RNF152: variants seen among roughly 807,000 people sequenced by gnomAD.
The protein encoded by RNF152 is E3 ubiquitin-protein ligase RNF152.
Under a neutral mutation model 12.7 loss-of-function variants are expected in RNF152, and 11 were observed. The ratio of observed to expected loss-of-function variants is 0.86; its 90% confidence interval spans 0.54 to 1.43. RNF152 has a LOEUF of 1.43. Among genes scored for constraint, RNF152 ranks in the 40% most tolerant of loss-of-function variants. The pLI is 0.00. For synonymous variants in RNF152, 113 were observed against 120.3 expected, an observed-to-expected ratio of 0.94 and a Z score of 0.40; for missense variants, 255 against 274.8, an observed-to-expected ratio of 0.93 and a Z score of 0.51.
chr18:61,869,515 GATAAAGGAACA>G (rs1227336226), intron 1 of RNF152, among the ~76,000 whole-genome samples: 2 of 152,308 alleles, frequency 1.3e-5, no homozygotes, highest in Non-Finnish European at 2.9e-5. Flanking sequence ...AGACCCACTT[GATAAAGGAACA>G]CAAACTTTTG....
At chr18:61,876,945 C>T (rs1912240234) in intron 1 of RNF152, among the ~76,000 whole-genome samples, 2 of 152,188 alleles carry the variant, frequency 1.3e-5, no homozygotes. Context: ...AGAGACTTGA[C>T]CATTGTATCC....
At chr18:61,829,184 G>A (rs997768965) in intron 1 of RNF152, among the ~76,000 whole-genome samples, 3 of 152,158 alleles carry the variant, frequency 2.0e-5, no homozygotes, top group Non-Finnish European at 2.9e-5. Context: ...CACGGCAGGT[G>A]GTTTAGCTCT....
rs775397317 is a variant in RNF152 at position 61,812,815 on chromosome 18, C to T, written c.*3037G>A. 3.9e-5 allele frequency: 6 copies of T among 151,920 alleles called. No individual in the cohort carries two copies. Among genetic ancestry groups the T allele is most frequent in the East Asian group, 1.9e-4 (1 of 5,186 alleles). 9.4% of individuals were successfully genotyped at this position (151,920 alleles called of 1,614,324 possible). A position where few individuals can be genotyped will look rare whatever the true frequency, so the allele number is the denominator to read the frequency against. On this transcript the variant is annotated 3_prime_UTR_variant, in exon 2 of 2. Transcript: ENST00000312828. ...CTAAGTCAACCCTCCTTTCATTTTC[C>T]CAGAGAGGTAGATGCTAACTAAAAT...
At chr18:61,885,099 T>C (rs1912628185) in intron 1 of RNF152, among the ~76,000 whole-genome samples, 1 of 152,260 alleles carries the variant, frequency 6.6e-6, no homozygotes, top group South Asian at 2.1e-4. Flanking sequence ...AGTAATCTTA[T>C]GTCTCATGCA....
chr18:61,848,465 T>C (rs1308169177), intron 1 of RNF152, among the ~76,000 whole-genome samples: 1 of 152,110 alleles, frequency 6.6e-6, no homozygotes, highest in Non-Finnish European at 1.5e-5. Flanking sequence ...TTCCCCCAGA[T>C]AAAACCAGAA....
intron 1 of RNF152, among the ~76,000 whole-genome samples, chr18:61,868,613 G>T (rs1911844669): frequency 6.6e-6 from 1 of 152,156 alleles, no homozygotes; most frequent in South Asian, 2.1e-4. Context: ...TGAGGCAGGA[G>T]AATCTCATGA....
At chr18:61,882,687 A>C (rs1299232142) in intron 1 of RNF152, among the ~76,000 whole-genome samples, 1 of 152,214 alleles carries the variant, frequency 6.6e-6, no homozygotes, top group Non-Finnish European at 1.5e-5. Flanking sequence ...GGAGACTCAG[A>C]GAGAGAGGAA....
At chr18:61,859,884 A>AGAAAG (rs939710712) in intron 1 of RNF152, among the ~76,000 whole-genome samples, 2 of 151,772 alleles carry the variant, frequency 1.3e-5, no homozygotes, top group African/African-American at 4.9e-5. Context: ...CAAAGAAAAA[A>AGAAAG]GAAAAGAAAA....
chr18:61,844,122 G>GAA (rs764619700), intron 1 of RNF152, among the ~76,000 whole-genome samples: 114 of 113,646 alleles, frequency 1.0e-3, no homozygotes, highest in Non-Finnish European at 1.2e-3. Flanking sequence ...AAGAAAGAAA[G>GAA]AAAGAAAGAA....
intron 1 of RNF152, among the ~76,000 whole-genome samples, chr18:61,871,980 G>C (rs550217406): frequency 6.6e-6 from 1 of 152,136 alleles, no homozygotes; most frequent in Non-Finnish European, 1.5e-5. Context: ...TTAAGACTGG[G>C]TAATTTATAA....
intron 1 of RNF152, among the ~76,000 whole-genome samples, chr18:61,828,518 G>A (rs1303241029): frequency 6.6e-6 from 1 of 152,108 alleles, no homozygotes; most frequent in East Asian, 1.9e-4. Flanking sequence ...ACCAACTCAT[G>A]GCCTCAAGTG....
intron 1 of RNF152, among the ~76,000 whole-genome samples, chr18:61,845,783 T>C (rs1910716778): frequency 6.6e-6 from 1 of 152,184 alleles, no homozygotes; most frequent in South Asian, 2.1e-4. Flanking sequence ...TCACTTTTGT[T>C]TGATGAACCT....
chr18:61,872,229 A>C (rs1340658575), intron 1 of RNF152, among the ~76,000 whole-genome samples: 1 of 152,156 alleles, frequency 6.6e-6, no homozygotes, highest in Admixed American at 6.5e-5. Context: ...CTAAACCATC[A>C]TGAAGGATCC....
At chr18:61,856,749 CAG>C (rs145036836) in intron 1 of RNF152, among the ~76,000 whole-genome samples, 2,688 of 152,232 alleles carry the variant, frequency 0.018, 42 homozygotes, top group Non-Finnish European at 0.03. Context: ...AGTGGATTCA[CAG>C]AGCTGCTGAC....
intron 1 of RNF152, among the ~76,000 whole-genome samples, chr18:61,889,646 C>G (rs759489107): frequency 4.6e-5 from 7 of 152,174 alleles, no homozygotes; most frequent in African/African-American, 7.2e-5. Flanking sequence ...CCAGAAAAAG[C>G]CTCTTGCCCA....
At chr18:61,864,238 C>T (rs1026803033) in intron 1 of RNF152, among the ~76,000 whole-genome samples, 1 of 152,140 alleles carries the variant, frequency 6.6e-6, no homozygotes, top group Admixed American at 6.5e-5. Flanking sequence ...AGCATAAGTC[C>T]CAGGCCTCCT....
At chr18:61,852,418 G>A (rs893410285) in intron 1 of RNF152, among the ~76,000 whole-genome samples, 1 of 152,144 alleles carries the variant, frequency 6.6e-6, no homozygotes, top group Admixed American at 6.5e-5. Context: ...AGAGTGTTGG[G>A]TAATAAATAC....
At chr18:61,889,092 C>T (rs906722690) in intron 1 of RNF152, among the ~76,000 whole-genome samples, 2 of 152,182 alleles carry the variant, frequency 1.3e-5, no homozygotes, top group Admixed American at 1.3e-4. Flanking sequence ...TGGTCTATAT[C>T]TGGTTCTTCC....
At chr18:61,859,763 C>T (rs1911379851) in intron 1 of RNF152, among the ~76,000 whole-genome samples, 1 of 152,080 alleles carries the variant, frequency 6.6e-6, no homozygotes, top group Non-Finnish European at 1.5e-5. Context: ...CCTGTAATCC[C>T]AGCTACTTAG....
Sources: gnomAD v4.1 joint callset for allele counts (sites outside exome capture counted in the v4.1 genomes callset) on GRCh38, gnomAD v4.1.1 for gene constraint, MANE v1.5 for transcripts, NCBI Gene and HGNC (gene_info 2026-07-23, HGNC 2026-07-21) for gene names.